GRM1: variants seen among roughly 807,000 people sequenced by gnomAD.
GRM1 encodes the protein glutamate metabotropic receptor 1, also known as metabotropic glutamate receptor 1.
A neutral mutation model predicts 90.9 loss-of-function variants in GRM1; 33 were observed. The observed-to-expected ratio is 0.36, with a 90% CI of 0.28 to 0.49. The LOEUF is 0.49. GRM1 is among the 20% of genes least tolerant of loss of function. GRM1 has a pLI of 0.99. For synonymous variants in GRM1, 700 were observed against 613.2 expected, an observed-to-expected ratio of 1.14 and a Z score of -2.09; for missense variants, 1,190 against 1,534.3, an observed-to-expected ratio of 0.78 and a Z score of 3.75.
intron 2 of GRM1, among the ~76,000 whole-genome samples, chr6:146,296,096 C>T (rs1393893453): frequency 2.6e-5 from 4 of 152,092 alleles, no homozygotes; most frequent in African/African-American, 9.7e-5. Flanking sequence ...GGTGTATACA[C>T]ATTTTCTTTA....
chr6:146,127,334 T>A (rs760297730), intron 1 of GRM1, among the ~76,000 whole-genome samples: 2 of 152,114 alleles, frequency 1.3e-5, no homozygotes, highest in Non-Finnish European at 2.9e-5. Context: ...TAGAGAATGA[T>A]TGGCAAATAT....
chr6:146,152,014 C>T lies in GRM1; in HGVS notation c.701-7334C>T, dbSNP rs560978940. On this transcript the variant is annotated intron_variant, in intron 1 of 7. Coordinates refer to ENST00000282753, the MANE Select transcript of GRM1 (RefSeq NM_001278064.2). ...CATATTAAATTGTGTATGTTATGGACTTTGTCAGACGCTGCTCTTCCCTTT... is the reference window on the plus strand; with the variant it reads ...CATATTAAATTGTGTATGTTATGGATTTTGTCAGACGCTGCTCTTCCCTTT... Among the ~76,000 whole-genome samples, 3 of 152,236 alleles carry T rather than the reference C, an allele frequency of 2.0e-5. No homozygotes were observed. In the South Asian group the frequency reaches 6.2e-4, roughly 32 times the overall value.
At chr6:146,073,586 A>C (rs1776086292) in intron 1 of GRM1, among the ~76,000 whole-genome samples, 4 of 152,298 alleles carry the variant, frequency 2.6e-5, no homozygotes, top group African/African-American at 9.6e-5. Flanking sequence ...AATGCAATAA[A>C]TTATAAAATT....
At chr6:146,285,131 T>G (rs1782709181) in intron 2 of GRM1, among the ~76,000 whole-genome samples, 1 of 152,204 alleles carries the variant, frequency 6.6e-6, no homozygotes, top group Non-Finnish European at 1.5e-5. Flanking sequence ...TTTCCTTTGA[T>G]GGAGGCATGT....
At chr6:146,420,315 C>G (rs963038063) in intron 7 of GRM1, among the ~76,000 whole-genome samples, 1 of 152,146 alleles carries the variant, frequency 6.6e-6, no homozygotes, top group Admixed American at 6.5e-5. Flanking sequence ...AGCAGAAGAC[C>G]AAAAATCTAA....
intron 7 of GRM1, among the ~76,000 whole-genome samples, chr6:146,425,672 A>C (rs1275585580): frequency 6.6e-6 from 1 of 152,160 alleles, no homozygotes; most frequent in Non-Finnish European, 1.5e-5. Flanking sequence ...AGCTTCACCC[A>C]TACCACCTGT....
At chr6:146,267,762 T>C (rs1375841446) in intron 2 of GRM1, among the ~76,000 whole-genome samples, 1 of 149,474 alleles carries the variant, frequency 6.7e-6, no homozygotes, top group Non-Finnish European at 1.5e-5. Flanking sequence ...TCTCGTCTCT[T>C]CATGTTTTTC....
At chr6:146,365,871 G>T (rs191758826) in intron 5 of GRM1, among the ~76,000 whole-genome samples, 1 of 152,178 alleles carries the variant, frequency 6.6e-6, no homozygotes, top group Admixed American at 6.6e-5. Flanking sequence ...CAAGGAGGCG[G>T]TCACTCTCAA....
At chr6:146,148,477 C>T (rs942871447) in intron 1 of GRM1, among the ~76,000 whole-genome samples, 5 of 152,064 alleles carry the variant, frequency 3.3e-5, no homozygotes, top group African/African-American at 1.2e-4. Flanking sequence ...TTTTCCCTGA[C>T]ATTGAGTACA....
intron 4 of GRM1, among the ~76,000 whole-genome samples, chr6:146,355,184 T>G (rs1042021392): frequency 6.6e-6 from 1 of 152,308 alleles, no homozygotes; most frequent in African/African-American, 2.4e-5. Flanking sequence ...TGGAAATTAC[T>G]CACATCAAGC....
chr6:146,084,459 A>T (rs1167038599), intron 1 of GRM1, among the ~76,000 whole-genome samples: 1 of 152,138 alleles, frequency 6.6e-6, no homozygotes, highest in Non-Finnish European at 1.5e-5. Context: ...TTGGTTTCAA[A>T]GAACTTCTTG....
chr6:146,288,125 G>A (rs1782832200), intron 2 of GRM1, among the ~76,000 whole-genome samples: 1 of 152,182 alleles, frequency 6.6e-6, no homozygotes, highest in African/African-American at 2.4e-5. Context: ...GATAGAAATG[G>A]CTTAGATTGT....
chr6:146,105,546 A>ACTTT (rs930471539), intron 1 of GRM1, among the ~76,000 whole-genome samples: 1 of 151,772 alleles, frequency 6.6e-6, no homozygotes, highest in Non-Finnish European at 1.5e-5. Context: ...ATTCCTAGAA[A>ACTTT]CTTGGAGTTG....
At chr6:146,222,865 A>G (rs1438212465) in intron 2 of GRM1, among the ~76,000 whole-genome samples, 2 of 152,096 alleles carry the variant, frequency 1.3e-5, no homozygotes, top group African/African-American at 4.8e-5. Context: ...GTAACATTAA[A>G]TTGGGACCTT....
At chr6:146,424,949 T>A (rs918004214) in intron 7 of GRM1, among the ~76,000 whole-genome samples, 2 of 152,230 alleles carry the variant, frequency 1.3e-5, no homozygotes, top group Non-Finnish European at 2.9e-5. Context: ...GATCTTTTGA[T>A]TTCGAGTAGG....
chr6:146,325,943 A>C (rs887077695), intron 3 of GRM1, among the ~76,000 whole-genome samples: 1 of 152,172 alleles, frequency 6.6e-6, no homozygotes, highest in Non-Finnish European at 1.5e-5. Context: ...ATAGAAAATT[A>C]GTTTTGGCCT....
chr6:146,353,163 T>C (rs1214332030), intron 4 of GRM1, among the ~76,000 whole-genome samples: 1 of 152,232 alleles, frequency 6.6e-6, no homozygotes, highest in Non-Finnish European at 1.5e-5. Flanking sequence ...GTTTTGATAC[T>C]ACCAGTTAGC....
chr6:146,089,806 T>C (rs1776657757), intron 1 of GRM1, among the ~76,000 whole-genome samples: 1 of 152,114 alleles, frequency 6.6e-6, no homozygotes, highest in African/African-American at 2.4e-5. Flanking sequence ...TTATAAATCC[T>C]TTCAGTCTCA....
intron 3 of GRM1, among the ~76,000 whole-genome samples, chr6:146,324,189 A>C (rs117627819): frequency 0.033 from 4,962 of 152,232 alleles, 100 homozygotes; most frequent in Non-Finnish European, 0.048. Flanking sequence ...CTTTGTTTAC[A>C]CTGGGAGGGG....
Sources: gnomAD v4.1 joint callset for allele counts (sites outside exome capture counted in the v4.1 genomes callset) on GRCh38, gnomAD v4.1.1 for gene constraint, MANE v1.5 for transcripts, NCBI Gene and HGNC (gene_info 2026-07-23, HGNC 2026-07-21) for gene names.